The following KIF1B variants were observed in gnomAD, a reference collection of about 807,000 sequenced individuals.
The protein encoded by KIF1B is kinesin-like protein KIF1B.
A neutral mutation model predicts 241.9 loss-of-function variants in KIF1B; 76 were observed. That is an observed-to-expected ratio of 0.31 (90% CI 0.26 to 0.38). The LOEUF (loss-of-function observed/expected upper bound fraction) is 0.38. KIF1B is among the 10% of genes least tolerant of loss of function. The probability of loss-of-function intolerance (pLI) is 1.00; values close to 1 mark genes in which losing one functional copy is unlikely to be tolerated. For missense variants in KIF1B, 1,622 were observed against 2,271.4 expected (o/e 0.71, Z 5.81); for synonymous variants, 750 against 796.7 (o/e 0.94, Z 0.99).
At position 10,365,797 on chromosome 1, in the gene KIF1B, C is replaced by A; in HGVS notation, c.4752+149C>A. ...TAGAAATAAAAAGACGCAGTTCCTA[C>A]CCTCAACAAGCTTACAGGGCCAGGC... On this transcript the variant is annotated intron_variant, in intron 43 of 48. Coordinates refer to ENST00000676179, the MANE Select transcript of KIF1B (RefSeq NM_001365951.3). The surrounding 1 kb of genome is among the most constrained non-coding windows in gnomAD (Gnocchi z 4.0). 8.5e-7 allele frequency: 1 copy of A among 1,176,758 alleles called. No homozygotes were observed. 72.9% of individuals were successfully genotyped at this position (1,176,758 alleles called of 1,614,324 possible). A position where few individuals can be genotyped will look rare whatever the true frequency, so the allele number is the denominator to read the frequency against.
chr1:10,319,972 C>T, intron 22 of KIF1B, 71 bp from the exon 23 acceptor site: 8 of 958,852 alleles, frequency 8.3e-6, no homozygotes, highest in Non-Finnish European at 1.3e-5. Flanking sequence ...CCCAATATTC[C>T]TTCCATTTCT....
chr1:10,273,730 A>AC lies in KIF1B; in HGVS notation c.882+699_882+700insC, dbSNP rs1557680836. On this transcript the variant is annotated intron_variant, in intron 10 of 48. Transcript: ENST00000676179. ...TCCTCAAAAAAAAAAAAAAAAAAAAAAAAAAAAAACCCAACAAACACCACA... is the reference window on the plus strand; with the variant it reads ...TCCTCAAAAAAAAAAAAAAAAAAAAACAAAAAAAAACCCAACAAACACCACA... 9.0e-5 allele frequency among the ~76,000 whole-genome samples: 8 copies of AC among 89,230 alleles called. No homozygotes were observed. In the South Asian group the frequency reaches 2.5e-3, roughly 28 times the overall value. 58.5% of individuals were successfully genotyped at this position (89,230 alleles called of 152,430 possible). A position where few individuals can be genotyped will look rare whatever the true frequency, so the allele number is the denominator to read the frequency against.
chr1:10,289,117 C>T (rs1649859969), intron 15 of KIF1B, among the ~76,000 whole-genome samples: 1 of 152,200 alleles, frequency 6.6e-6, no homozygotes, highest in Non-Finnish European at 1.5e-5. Context: ...ACTTCATCTC[C>T]ATGACCAGCA....
chr1:10,309,675 G>C (rs927838876), intron 22 of KIF1B, among the ~76,000 whole-genome samples: 3 of 151,430 alleles, frequency 2.0e-5, no homozygotes, highest in Non-Finnish European at 4.4e-5. Context: ...GAGTACCCTA[G>C]CTTGTCTCTT....
chr1:10,276,455 T>G, intron 12 of KIF1B, 56 bp downstream of exon 12: 1 of 1,190,372 alleles, frequency 8.4e-7, no homozygotes, highest in South Asian at 1.2e-5. Flanking sequence ...AGAAGCCATT[T>G]TGTGATACCA....
chr1:10,306,849 C>G (rs1650856456), intron 22 of KIF1B: 9 of 1,022,044 alleles, frequency 8.8e-6, no homozygotes, highest in African/African-American at 1.7e-5. Flanking sequence ...ATTTCCCTAA[C>G]TTGAGATAAC....
chr1:10,251,449 T>C (rs1647441204), intron 2 of KIF1B, among the ~76,000 whole-genome samples: 1 of 151,974 alleles, frequency 6.6e-6, no homozygotes, highest in Admixed American at 6.6e-5. Context: ...TTAAAAGCTT[T>C]ATTGGCTGGG....
chr1:10,266,195 A>G (rs1648453775), intron 5 of KIF1B, among the ~76,000 whole-genome samples: 2 of 152,196 alleles, frequency 1.3e-5, no homozygotes, highest in South Asian at 4.1e-4. Flanking sequence ...TTATGAAACC[A>G]ACTTGTTGGT....
At chr1:10,296,727 A>G in intron 20 of KIF1B, 62 bp downstream of exon 20, 1 of 1,517,088 alleles carries the variant, frequency 6.6e-7, no homozygotes, top group Non-Finnish European at 9.1e-7. Context: ...GACAACTCTA[A>G]TTTTTGGCTG....
chr1:10,244,834 A>G (rs931904822), intron 2 of KIF1B, among the ~76,000 whole-genome samples: 1 of 149,818 alleles, frequency 6.7e-6, no homozygotes, highest in Non-Finnish European at 1.5e-5. Context: ...GGATGGTCTC[A>G]ATCTCCTGAC....
intron 2 of KIF1B, among the ~76,000 whole-genome samples, chr1:10,253,851 T>C (rs1184390128): frequency 6.6e-6 from 1 of 152,208 alleles, no homozygotes; most frequent in Non-Finnish European, 1.5e-5. Flanking sequence ...GCTTTATTAA[T>C]ACTCTGTCAG....
intron 2 of KIF1B, among the ~76,000 whole-genome samples, chr1:10,243,782 A>T (rs1273876072): frequency 6.6e-6 from 1 of 152,186 alleles, no homozygotes; most frequent in Non-Finnish European, 1.5e-5. Flanking sequence ...TTAGATTAAA[A>T]TTTATTTTGA....
chr1:10,272,590 C>A, intron 9 of KIF1B: 1 of 511,314 alleles, frequency 2.0e-6, no homozygotes, highest in Non-Finnish European at 3.5e-6. Context: ...ATGTTTCTCA[C>A]AAAAACCAAG....
chr1:10,232,614 G>C (rs1024953147), intron 2 of KIF1B, among the ~76,000 whole-genome samples, 180 bp downstream of exon 2: 1 of 151,996 alleles, frequency 6.6e-6, no homozygotes, highest in Non-Finnish European at 1.5e-5. Context: ...TTTAAATATG[G>C]ACTATTTATT....
intron 8 of KIF1B, 46 bp downstream of exon 8, chr1:10,271,625 A>G (rs757505947): frequency 8.8e-6 from 11 of 1,247,026 alleles, no homozygotes; most frequent in East Asian, 2.3e-5. Context: ...AATGGCCACT[A>G]CCTGTTTTTG....
intron 40 of KIF1B, among the ~76,000 whole-genome samples, chr1:10,362,933 A>G (rs1170229460): frequency 2.0e-5 from 3 of 152,036 alleles, no homozygotes; most frequent in Non-Finnish European, 2.9e-5. Context: ...TTAGCTGGGT[A>G]TAGTGGTGTA....
intron 37 of KIF1B, among the ~76,000 whole-genome samples, chr1:10,349,297 T>C (rs1652702303): frequency 6.6e-6 from 1 of 152,068 alleles, no homozygotes; most frequent in Non-Finnish European, 1.5e-5. Flanking sequence ...TAGCTGGGCA[T>C]GGTGGCACGC....
intron 22 of KIF1B, chr1:10,304,262 G>A (rs2102272084): frequency 1.2e-6 from 2 of 1,614,188 alleles, no homozygotes; most frequent in East Asian, 4.5e-5. Flanking sequence ...CAAGGAATGA[G>A]AAGTCAAGAT....
intron 38 of KIF1B, among the ~76,000 whole-genome samples, chr1:10,356,727 C>G (rs974934378): frequency 3.9e-5 from 6 of 151,926 alleles, no homozygotes; most frequent in Non-Finnish European, 7.4e-5. Context: ...TGGTGAAGCC[C>G]CATGTCTACT....
Sources: allele counts gnomAD v4.1 joint callset (sites outside exome capture counted in the v4.1 genomes callset), GRCh38; gene constraint gnomAD v4.1.1; non-coding constraint Gnocchi (gnomAD v3.1); transcripts MANE v1.5; gene names NCBI Gene and HGNC (gene_info 2026-07-23, HGNC 2026-07-21).